LRP6: variants seen among roughly 807,000 people sequenced by gnomAD.
LRP6 encodes the protein LDL receptor related protein 6.
Under a neutral mutation model 184.1 loss-of-function variants are expected in LRP6, and 43 were observed. That is an observed-to-expected ratio of 0.23 (90% confidence interval 0.18 to 0.30). The LOEUF (loss-of-function observed/expected upper bound fraction) is 0.30. LRP6 is among the 10% of genes least tolerant of loss of function. LRP6 has a pLI of 1.00. For missense variants in LRP6, 1,571 were observed against 2,005.3 expected (o/e 0.78, Z 4.14); for synonymous variants, 719 against 684.9 (o/e 1.05, Z -0.78).
At chr12:12,246,426 G>C (rs1330500347) in intron 1 of LRP6, among the ~76,000 whole-genome samples, 1 of 151,532 alleles carries the variant, frequency 6.6e-6, no homozygotes, top group African/African-American at 2.4e-5. Flanking sequence ...GCAAAAGTAA[G>C]ACCAAGCCAG....
intron 7 of LRP6, 35 bp downstream of exon 7, chr12:12,179,775 A>G (rs1335034978): frequency 6.2e-7 from 1 of 1,610,018 alleles, no homozygotes; most frequent in Non-Finnish European, 8.5e-7. Context: ...ACCCATTATA[A>G]AAGTGGCTTG....
chr12:12,189,952 A>C (rs770469581), intron 3 of LRP6, among the ~76,000 whole-genome samples: 1 of 152,196 alleles, frequency 6.6e-6, no homozygotes, highest in African/African-American at 2.4e-5. Context: ...ATAACAGATG[A>C]CCTTTTTGAG....
At chr12:12,155,645 C>A (rs985652476) in intron 12 of LRP6, 3 of 935,378 alleles carry the variant, frequency 3.2e-6, no homozygotes, top group Non-Finnish European at 5.3e-6. Flanking sequence ...AAGAAAGAAG[C>A]CAAAGAGAAA....
At position 12,215,371 on chromosome 12, in the gene LRP6, C is replaced by T. The variant is rs551027969; in HGVS notation, c.450-11971G>A. On this transcript the variant is annotated intron_variant, in intron 2 of 22. Coordinates refer to ENST00000261349, the MANE Select transcript of LRP6 (RefSeq NM_002336.3). ...TAAAAATAGTCTGATAAAAACAGTA[C>T]TGTTGTTTACTATTACTAATGGCCT... Among the ~76,000 whole-genome samples, 87 of 152,144 alleles carry T rather than the reference C, an allele frequency of 5.7e-4. 1 individual carries two copies. The South Asian group carries it at 0.018, about 31-fold the overall frequency.
At position 12,174,051 on chromosome 12, in the gene LRP6, G is replaced by A. The variant is rs566215568; in HGVS notation, c.1545+5759C>T. 2.0e-5 allele frequency among the ~76,000 whole-genome samples: 3 copies of A among 152,058 alleles called. No homozygotes were observed. The South Asian group carries it at 6.2e-4, about 32-fold the overall frequency. Reference sequence around the variant, plus strand: ...GTTGTGTGGTAAAGTAGCACAAATGGGCAAATATTTAGGTATTTAAATTAG... The same window carrying A: ...GTTGTGTGGTAAAGTAGCACAAATGAGCAAATATTTAGGTATTTAAATTAG... On this transcript the variant is annotated intron_variant, in intron 7 of 22. Coordinates refer to ENST00000261349, the MANE Select transcript of LRP6 (RefSeq NM_002336.3).
At chr12:12,200,727 G>C (rs1195643355) in intron 3 of LRP6, among the ~76,000 whole-genome samples, 4 of 152,052 alleles carry the variant, frequency 2.6e-5, no homozygotes, top group African/African-American at 9.7e-5. Context: ...TTACTTGTTT[G>C]TCCTTTATGG....
rs113682151 is a variant in LRP6 at position 12,220,599 on chromosome 12, GTT to G, written c.450-17201_450-17200del. ...TGAACACTAACGCATATTTTTCTTA[GTT>G]TTTTTTTTTTTTTTTGAGACAGGGT... On this transcript the variant is annotated intron_variant, in intron 2 of 22. Transcript: ENST00000261349. 6.5e-3 allele frequency among the ~76,000 whole-genome samples: 848 copies of G among 130,050 alleles called. 4 individuals carry two copies. Among genetic ancestry groups the G allele is most frequent in the African/African-American group, 0.019 (670 of 35,062 alleles). The allele number at this position is 130,050 out of a possible 152,430, so 85.3% of individuals were successfully genotyped here.
intron 7 of LRP6, among the ~76,000 whole-genome samples, chr12:12,168,448 T>C (rs1862946126): frequency 1.3e-5 from 2 of 152,140 alleles, no homozygotes; most frequent in Non-Finnish European, 1.5e-5. Context: ...TGTTTGACTT[T>C]GAAAGAAATG....
chr12:12,182,854 T>C (rs1338342340), intron 5 of LRP6, among the ~76,000 whole-genome samples: 24 of 152,224 alleles, frequency 1.6e-4, no homozygotes, highest in Admixed American at 1.6e-3. Context: ...TTAAGGCTAC[T>C]ACATGCCAAA....
Position 12,128,555 on chromosome 12 carries a change from T to C in LRP6, c.4082-1634A>G, listed in dbSNP as rs190984458. On this transcript the variant is annotated intron_variant, in intron 19 of 22. Transcript: ENST00000261349. ...CCATGAGTACCTCTCAGGCAACATA[T>C]CACAAACTGAACTCACTGTCACCAT... 1.1e-3 allele frequency among the ~76,000 whole-genome samples: 161 copies of C among 152,240 alleles called. 1 individual carries two copies. The highest frequency in any genetic ancestry group is 1.3e-3 in the Non-Finnish European group (91 of 68,014).
At chr12:12,258,807 G>T (rs747873323) in intron 1 of LRP6, among the ~76,000 whole-genome samples, 4 of 152,224 alleles carry the variant, frequency 2.6e-5, no homozygotes, top group Non-Finnish European at 4.4e-5. Flanking sequence ...CTAATCATTA[G>T]TGAGGAAGAC....
chr12:12,181,525 AT>A, intron 5 of LRP6, 86 bp from the exon 6 acceptor site: 2 of 771,628 alleles, frequency 2.6e-6, no homozygotes, highest in Non-Finnish European at 4.6e-6. Context: ...GAACTGAAAA[AT>A]AAATATAAAA....
At chr12:12,124,704 G>GA (rs1949649927) in intron 21 of LRP6, 42 bp from the exon 22 acceptor site, 1 of 1,226,328 alleles carries the variant, frequency 8.2e-7, no homozygotes, top group Admixed American at 1.8e-5. Flanking sequence ...TAACAACATA[G>GA]AAACTATCAG....
At chr12:12,178,481 G>T (rs995003838) in intron 7 of LRP6, among the ~76,000 whole-genome samples, 2 of 151,932 alleles carry the variant, frequency 1.3e-5, no homozygotes, top group African/African-American at 2.4e-5. Flanking sequence ...AAAACTTATG[G>T]GCTTTAAACT....
At chr12:12,199,454 T>C (rs1164593481) in intron 3 of LRP6, among the ~76,000 whole-genome samples, 1 of 152,148 alleles carries the variant, frequency 6.6e-6, no homozygotes, top group Non-Finnish European at 1.5e-5. Context: ...AAACATCAAT[T>C]GTTGTACAAT....
intron 2 of LRP6, among the ~76,000 whole-genome samples, chr12:12,203,693 G>A (rs1207215913): frequency 2.0e-5 from 3 of 152,118 alleles, no homozygotes; most frequent in African/African-American, 4.8e-5. Context: ...GCTTGAACCC[G>A]AGAGGCGGAG....
In LRP6 at chr12:12,266,867, G is replaced by C. The variant is rs1015487400; in HGVS notation, c.-132C>G. 6 of 806,582 alleles carry C rather than the reference G, an allele frequency of 7.4e-6. No individual in the cohort carries two copies. The highest frequency in any genetic ancestry group is 5.8e-5 in the South Asian group (4 of 68,592). 50.0% of individuals were successfully genotyped at this position (806,582 alleles called of 1,614,324 possible). A position where few individuals can be genotyped will look rare whatever the true frequency, so the allele number is the denominator to read the frequency against. On this transcript the variant is annotated 5_prime_UTR_variant, in exon 1 of 23. Transcript: ENST00000261349. The stretch of plus-strand genomic sequence containing the variant: ...CCCAGCTTCCCAGCGAGAGAAGAAA[G>C]AAAGGGGCACGTCAAGGTTCCGCGC...
At chr12:12,203,668 T>G (rs1276691615) in intron 2 of LRP6, among the ~76,000 whole-genome samples, 4 of 152,172 alleles carry the variant, frequency 2.6e-5, no homozygotes. Flanking sequence ...CTCAGGAGGC[T>G]GAGGCAGGAG....
intron 3 of LRP6, among the ~76,000 whole-genome samples, chr12:12,195,322 G>A (rs1863723967): frequency 6.6e-6 from 1 of 152,074 alleles, no homozygotes; most frequent in Non-Finnish European, 1.5e-5. Context: ...CACCAACAGT[G>A]TATAAGAGTT....
Sources: gnomAD v4.1 joint callset for allele counts (sites outside exome capture counted in the v4.1 genomes callset) on GRCh38, gnomAD v4.1.1 for gene constraint, MANE v1.5 for transcripts, NCBI Gene and HGNC (gene_info 2026-07-23, HGNC 2026-07-21) for gene names.